Variants in DAAM2 observed in about 807,000 individuals in gnomAD.
The protein encoded by DAAM2 is disheveled-associated activator of morphogenesis 2.
Under a neutral mutation model 120.7 loss-of-function variants are expected in DAAM2, and 39 were observed. The ratio of observed to expected loss-of-function variants is 0.32; its 90% CI spans 0.25 to 0.42. DAAM2 has a LOEUF of 0.42. Ranked by LOEUF, DAAM2 falls within the 10% of genes least tolerant of loss-of-function variation. The pLI, the probability that DAAM2 is intolerant of heterozygous loss-of-function variation, is 1.00. For missense variants in DAAM2, 1,283 were observed against 1,401.7 expected, an observed-to-expected ratio of 0.92 and a Z score of 1.35; for synonymous variants, 488 against 524.9, an observed-to-expected ratio of 0.93 and a Z score of 0.96.
chr6:39,822,580 G>A (rs557519933), intron 1 of DAAM2: 1 of 152,284 alleles, frequency 6.6e-6, no homozygotes, highest in Admixed American at 6.5e-5. Context: ...CAATCACTCT[G>A]CTAAAGGCTT....
At chr6:39,897,324 C>T in intron 21 of DAAM2, 42 bp downstream of exon 21, 1 of 1,299,058 alleles carries the variant, frequency 7.7e-7, no homozygotes, top group Non-Finnish European at 1.1e-6. Flanking sequence ...CATGATGACC[C>T]TCATTCTTGT....
At position 39,873,300 on chromosome 6, in the gene DAAM2, C is replaced by T. The variant is rs777428317; in HGVS notation, c.1107C>T (p.Tyr369=). The change falls in exon 10 of 25, where the codon TAC becomes TAT. Residue 369 remains tyrosine (Y), a synonymous_variant. Transcript: ENST00000274867. ...AGTTGATCCACAAGAAGCTGAAGTACACGGAGGCCTACCCCTGCCTGCTCT... is the reference window on the plus strand; with the variant it reads ...AGTTGATCCACAAGAAGCTGAAGTATACGGAGGCCTACCCCTGCCTGCTCT... ...MFELIHKKLK[Y]TEAYPCLLSV... 11 of 1,613,588 alleles carry T rather than the reference C, an allele frequency of 6.8e-6. No homozygotes were observed. The highest frequency in any genetic ancestry group is 3.3e-5 in the Admixed American group (2 of 59,980).
chr6:39,809,866 C>T (rs1357893033), intron 1 of DAAM2, among the ~76,000 whole-genome samples: 1 of 152,200 alleles, frequency 6.6e-6, no homozygotes, highest in Non-Finnish European at 1.5e-5. Context: ...TCTTACACAA[C>T]CAGTTCAGCA....
chr6:39,849,434 T>C (rs1307626213), intron 1 of DAAM2, among the ~76,000 whole-genome samples: 1 of 152,216 alleles, frequency 6.6e-6, no homozygotes, highest in Admixed American at 6.5e-5. Flanking sequence ...CTATTAATAG[T>C]CTTTACTTTT....
At chr6:39,817,402 C>T (rs370263513) in intron 1 of DAAM2, among the ~76,000 whole-genome samples, 6 of 152,156 alleles carry the variant, frequency 3.9e-5, no homozygotes, top group East Asian at 1.9e-4. Flanking sequence ...TGTTATCTGT[C>T]GGTAGTGGAT....
chr6:39,836,119 C>A (rs1763091457), intron 1 of DAAM2, among the ~76,000 whole-genome samples: 1 of 152,036 alleles, frequency 6.6e-6, no homozygotes, highest in Admixed American at 6.6e-5. Context: ...ACTTTAAATC[C>A]CAGCCCCTCT....
At chr6:39,868,712 A>G in intron 6 of DAAM2, 111 bp from the exon 7 acceptor site, 1 of 744,766 alleles carries the variant, frequency 1.3e-6, no homozygotes, top group Non-Finnish European at 2.3e-6. Flanking sequence ...TTGGGTGGAG[A>G]GAGCAGATGG....
At chr6:39,793,164 A>C (rs1761598523) in intron 1 of DAAM2, 1 of 152,418 alleles carries the variant, frequency 6.6e-6, no homozygotes, top group African/African-American at 2.4e-5. Flanking sequence ...GAAGAGGATG[A>C]GAAGGAAGAG....
Position 39,904,704 on chromosome 6 carries a change from C to T in DAAM2, c.*2667C>T, listed in dbSNP as rs1327698321. 9 of 453,976 alleles carry T rather than the reference C, an allele frequency of 2.0e-5. No homozygotes were observed. The highest frequency in any genetic ancestry group is 9.4e-5 in the Admixed American group (4 of 42,562). 28.1% of individuals were successfully genotyped at this position (453,976 alleles called of 1,614,324 possible). On this transcript the variant is annotated 3_prime_UTR_variant, in exon 25 of 25. Coordinates refer to ENST00000274867, the MANE Select transcript of DAAM2 (RefSeq NM_001201427.2). ...GGGAACTGTGACTATCTATCTCCCCCGACTTCTACCAGGGATGCCTTCACG... is the reference window on the plus strand; with the variant it reads ...GGGAACTGTGACTATCTATCTCCCCTGACTTCTACCAGGGATGCCTTCACG...
intron 2 of DAAM2, 126 bp from the exon 3 acceptor site, chr6:39,860,802 C>G: frequency 1.3e-6 from 1 of 771,864 alleles, no homozygotes. Flanking sequence ...CTTTGATGCT[C>G]TTCGGGAGGA....
chr6:39,900,656 T>C (rs1766422570), intron 23 of DAAM2, among the ~76,000 whole-genome samples: 1 of 152,182 alleles, frequency 6.6e-6, no homozygotes. Flanking sequence ...GGGGGTCTTA[T>C]TAAAACATGG....
At chr6:39,808,806 G>A (rs915682885) in intron 1 of DAAM2, among the ~76,000 whole-genome samples, 7 of 152,216 alleles carry the variant, frequency 4.6e-5, no homozygotes, top group African/African-American at 1.7e-4. Flanking sequence ...TCGGGTTGGC[G>A]TGGTGCTTGC....
rs1043713330 is a variant in DAAM2, at chr6:39,902,750, T to A, written c.*713T>A. The A allele has an allele frequency of 2.0e-5, 3 of 152,336 alleles. No homozygotes were observed. The highest frequency in any genetic ancestry group is 4.4e-5 in the Non-Finnish European group (3 of 68,156). 9.4% of individuals were successfully genotyped at this position (152,336 alleles called of 1,614,324 possible). A position where few individuals can be genotyped will look rare whatever the true frequency, so the allele number is the denominator to read the frequency against. On this transcript the variant is annotated 3_prime_UTR_variant, in exon 25 of 25. Coordinates refer to ENST00000274867, the MANE Select transcript of DAAM2 (RefSeq NM_001201427.2). The stretch of plus-strand genomic sequence containing the variant: ...CTACCCTCACCTCCATCCTGTCTAC[T>A]AATCCACAGTCCTAGAAGACTCACC...
chr6:39,809,693 G>A (rs1365420253), intron 1 of DAAM2, among the ~76,000 whole-genome samples: 1 of 152,138 alleles, frequency 6.6e-6, no homozygotes, highest in Middle Eastern at 3.2e-3. Flanking sequence ...CTAGTTTTAC[G>A]ATGTCTAAAC....
At chr6:39,801,861 G>A (rs55982826) in intron 1 of DAAM2, among the ~76,000 whole-genome samples, 16,690 of 152,230 alleles carry the variant, frequency 0.11, 1,166 homozygotes, top group Non-Finnish European at 0.15. Context: ...AAAGCCCCCT[G>A]CCTCCAAGTT....
At chr6:39,796,718 G>A (rs1382832176) in intron 1 of DAAM2, among the ~76,000 whole-genome samples, 3 of 151,602 alleles carry the variant, frequency 2.0e-5, no homozygotes, top group African/African-American at 7.3e-5. Flanking sequence ...AATTATTTGT[G>A]GTACATCCTA....
intron 1 of DAAM2, among the ~76,000 whole-genome samples, chr6:39,832,806 T>C (rs1405582717): frequency 6.6e-6 from 1 of 152,174 alleles, no homozygotes; most frequent in Non-Finnish European, 1.5e-5. Flanking sequence ...CTTGGGCCTC[T>C]GTGCTGAACT....
At chr6:39,828,896 C>G (rs556714893) in intron 1 of DAAM2, among the ~76,000 whole-genome samples, 166 of 152,266 alleles carry the variant, frequency 1.1e-3, no homozygotes, top group African/African-American at 3.8e-3. Flanking sequence ...AGGCCCCACC[C>G]TTAGTATTAT....
Position 39,901,983 on chromosome 6 carries a change from G to A in DAAM2, c.3153G>A (p.Gly1051=), listed in dbSNP as rs763985812. The A allele has an allele frequency of 2.0e-5, 33 of 1,612,266 alleles. No individual in the cohort carries two copies. The highest frequency in any genetic ancestry group is 2.7e-5 in the Non-Finnish European group (32 of 1,178,556). ...TCAAGCGCAGCCGCAAGCGATCAGG[G>A]AGCCAGGCCCTGGAAGTTACCCGGG... The part of the protein sequence containing the change: ...CKLKRSRKRS[G]SQALEVTRER... Residue 1051 remains glycine, a synonymous_variant, in exon 25 of 25, where the codon GGG becomes GGA. Coordinates refer to ENST00000274867, the MANE Select transcript of DAAM2 (RefSeq NM_001201427.2). The surrounding 1 kb of genome is among the most constrained non-coding windows in gnomAD (Gnocchi z 4.5).
Sources: gnomAD v4.1 joint callset for allele counts (sites outside exome capture counted in the v4.1 genomes callset) on GRCh38, gnomAD v4.1.1 for gene constraint, Gnocchi (gnomAD v3.1) non-coding constraint, MANE v1.5 for transcripts, NCBI Gene and HGNC (gene_info 2026-07-23, HGNC 2026-07-21) for gene names.